Variants in CDK14 observed in about 807,000 individuals in gnomAD.
CDK14 encodes the protein cyclin dependent kinase 14, also known as cyclin-dependent kinase 14.
In CDK14, 34 loss-of-function variants were observed where a neutral mutation model predicts 60.7. The observed-to-expected ratio is 0.56, with a 90% CI of 0.43 to 0.75. The LOEUF (loss-of-function observed/expected upper bound fraction) is 0.75, where lower values mean the gene tolerates loss of function less well. CDK14 is among the 30% of genes least tolerant of loss of function. The pLI, the probability that CDK14 is intolerant of heterozygous loss-of-function variation, is 0.00. For missense variants in CDK14, 482 were observed against 564.1 expected, an observed-to-expected ratio of 0.85 and a Z score of 1.47; for synonymous variants, 197 against 203.7, an observed-to-expected ratio of 0.97 and a Z score of 0.28.
intron 7 of CDK14, among the ~76,000 whole-genome samples, chr7:90,911,066 G>A (rs1792881460): frequency 6.6e-6 from 1 of 152,110 alleles, no homozygotes; most frequent in South Asian, 2.1e-4. Flanking sequence ...ACTTTGCTGA[G>A]AAAATTCACT....
chr7:90,711,882 AT>A (rs111586847), intron 2 of CDK14, among the ~76,000 whole-genome samples: 36,249 of 110,688 alleles, frequency 0.33, 5,018 homozygotes, highest in Middle Eastern at 0.39. Context: ...ATAGTCTACT[AT>A]GTTTTTTTTT....
intron 14 of CDK14, among the ~76,000 whole-genome samples, chr7:91,206,596 G>A (rs74656253): frequency 1.3e-5 from 2 of 152,268 alleles, no homozygotes; most frequent in African/African-American, 4.8e-5. Context: ...TTTTAAGCAG[G>A]CATTATTGGA....
At chr7:91,080,439 T>A (rs1798453899) in intron 12 of CDK14, among the ~76,000 whole-genome samples, 1 of 152,180 alleles carries the variant, frequency 6.6e-6, no homozygotes, top group South Asian at 2.1e-4. Context: ...TTTTATTAAA[T>A]TTGTACCTCG....
chr7:90,871,449 T>A (rs774987029), intron 6 of CDK14, among the ~76,000 whole-genome samples: 7 of 151,998 alleles, frequency 4.6e-5, no homozygotes, highest in Non-Finnish European at 8.8e-5. Context: ...ATTAAAGACA[T>A]ACCAAGAGAG....
chr7:90,985,615 A>G (rs1423149242), intron 10 of CDK14, among the ~76,000 whole-genome samples: 1 of 152,208 alleles, frequency 6.6e-6, no homozygotes, highest in Admixed American at 6.5e-5. Flanking sequence ...AGTAGAACGT[A>G]GCGATACAAA....
chr7:90,867,551 T>C (rs1791229218), intron 6 of CDK14, among the ~76,000 whole-genome samples: 2 of 152,122 alleles, frequency 1.3e-5, no homozygotes, highest in Admixed American at 1.3e-4. Context: ...TAGCAGCATT[T>C]TTCATTACAT....
chr7:90,629,128 A>G (rs1411112329), intron 2 of CDK14, among the ~76,000 whole-genome samples: 1 of 152,130 alleles, frequency 6.6e-6, no homozygotes, highest in African/African-American at 2.4e-5. Context: ...TCTTGCTACT[A>G]CGGCAATTAC....
At chr7:90,641,553 A>G (rs1800333010) in intron 2 of CDK14, among the ~76,000 whole-genome samples, 1 of 152,168 alleles carries the variant, frequency 6.6e-6, no homozygotes, top group South Asian at 2.1e-4. Context: ...TTCTGTTTAT[A>G]TGAAATGTCC....
chr7:90,917,246 A>G (rs1793109661), intron 7 of CDK14, among the ~76,000 whole-genome samples: 1 of 152,172 alleles, frequency 6.6e-6, no homozygotes. Flanking sequence ...TAATATTATG[A>G]ATAGATTTCC....
chr7:90,854,406 G>A (rs548820040), intron 5 of CDK14, among the ~76,000 whole-genome samples: 9 of 152,232 alleles, frequency 5.9e-5, no homozygotes, highest in African/African-American at 2.2e-4. Flanking sequence ...AGCCAGGGGT[G>A]GCGGCAGGTG....
At chr7:90,759,315 C>T (rs1804220995) in intron 4 of CDK14, among the ~76,000 whole-genome samples, 1 of 152,144 alleles carries the variant, frequency 6.6e-6, no homozygotes, top group African/African-American at 2.4e-5. Flanking sequence ...GAGATATTCA[C>T]TCATTGGTTA....
chr7:91,203,652 A>T (rs1310142543), intron 14 of CDK14, among the ~76,000 whole-genome samples: 1 of 152,180 alleles, frequency 6.6e-6, no homozygotes, highest in Non-Finnish European at 1.5e-5. Flanking sequence ...ACAGACCTAA[A>T]GCTCCCATTT....
chr7:90,734,379 T>C (rs1321214203), intron 3 of CDK14, among the ~76,000 whole-genome samples: 2 of 152,142 alleles, frequency 1.3e-5, no homozygotes, highest in Admixed American at 1.3e-4. Context: ...GGGGAAGTTC[T>C]CCTGGATGAT....
intron 11 of CDK14, among the ~76,000 whole-genome samples, chr7:91,070,269 C>CTGGTGG (rs34650830): frequency 6.7e-6 from 1 of 149,850 alleles, no homozygotes; most frequent in African/African-American, 2.5e-5. Flanking sequence ...GCTGCTGCTG[C>CTGGTGG]TGGTGGTGGT....
intron 8 of CDK14, among the ~76,000 whole-genome samples, chr7:90,953,538 A>T (rs774205064): frequency 1.3e-5 from 2 of 152,194 alleles, no homozygotes; most frequent in Admixed American, 6.5e-5. Flanking sequence ...CTGAAATTAC[A>T]TGTGGTTATT....
intron 4 of CDK14, among the ~76,000 whole-genome samples, chr7:90,789,340 G>A (rs554954814): frequency 1.5e-3 from 231 of 152,116 alleles, no homozygotes; most frequent in African/African-American, 5.2e-3. Context: ...CACTATTTGT[G>A]TATGTGTGTA....
intron 8 of CDK14, among the ~76,000 whole-genome samples, chr7:90,949,098 G>C (rs1283534800): frequency 6.6e-6 from 1 of 151,938 alleles, no homozygotes; most frequent in African/African-American, 2.4e-5. Flanking sequence ...TTAATTATTT[G>C]AATATTTTCT....
chr7:90,738,688 G>A (rs887998144), intron 3 of CDK14, among the ~76,000 whole-genome samples: 95 of 152,266 alleles, frequency 6.2e-4, no homozygotes, highest in African/African-American at 2.2e-3. Context: ...GTAGGGAAGC[G>A]ATAAGCAGAG....
At chr7:91,007,726 G>C (rs1796020499) in intron 10 of CDK14, among the ~76,000 whole-genome samples, 2 of 151,436 alleles carry the variant, frequency 1.3e-5, no homozygotes, top group South Asian at 2.1e-4. Flanking sequence ...TCAGTAAACT[G>C]TTCTTTTTTT....
Sources: allele counts gnomAD v4.1 joint callset (sites outside exome capture counted in the v4.1 genomes callset), GRCh38; gene constraint gnomAD v4.1.1; transcripts MANE v1.5; gene names NCBI Gene and HGNC (gene_info 2026-07-23, HGNC 2026-07-21).